The following GALNT17 variants were observed in gnomAD, a reference collection of about 807,000 sequenced individuals.
GALNT17 encodes polypeptide N-acetylgalactosaminyltransferase 17.
Under a neutral mutation model 63.7 loss-of-function variants are expected in GALNT17, and 29 were observed. That is an observed-to-expected ratio of 0.46 (90% CI 0.34 to 0.62). GALNT17 has a LOEUF of 0.62. GALNT17 is among the 20% of genes least tolerant of loss of function. The probability of loss-of-function intolerance (pLI) is 0.01; values close to 1 mark genes in which losing one functional copy is unlikely to be tolerated. For synonymous variants in GALNT17, 305 were observed against 318.3 expected, an observed-to-expected ratio of 0.96 and a Z score of 0.45; for missense variants, 603 against 799.6, an observed-to-expected ratio of 0.75 and a Z score of 2.97.
intron 1 of GALNT17, among the ~76,000 whole-genome samples, chr7:71,180,621 G>GT (rs2116312143): frequency 6.6e-6 from 1 of 152,258 alleles, no homozygotes; most frequent in Non-Finnish European, 1.5e-5. Flanking sequence ...TGAGGTGGAC[G>GT]TATTAAATGG....
intron 1 of GALNT17, among the ~76,000 whole-genome samples, chr7:71,185,697 C>T (rs567253735): frequency 6.6e-6 from 1 of 151,958 alleles, no homozygotes; most frequent in Admixed American, 6.6e-5. Context: ...TTAGTGGAGA[C>T]GGGGTTTCAC....
intron 3 of GALNT17, among the ~76,000 whole-genome samples, chr7:71,397,809 G>A (rs1210062530): frequency 6.6e-6 from 1 of 152,200 alleles, no homozygotes; most frequent in East Asian, 1.9e-4. Context: ...AGACTGCAAG[G>A]AAGAGAAAAT....
At chr7:71,377,656 C>T (rs1306973944) in intron 2 of GALNT17, among the ~76,000 whole-genome samples, 1 of 152,162 alleles carries the variant, frequency 6.6e-6, no homozygotes, top group African/African-American at 2.4e-5. Flanking sequence ...TGTTCCCACC[C>T]AAATCTCATC....
At chr7:71,538,276 C>G (rs1788832081) in intron 5 of GALNT17, among the ~76,000 whole-genome samples, 1 of 152,130 alleles carries the variant, frequency 6.6e-6, no homozygotes, top group Admixed American at 6.6e-5. Context: ...ACTTGAAACC[C>G]TGGAAGGCAG....
intron 1 of GALNT17, among the ~76,000 whole-genome samples, chr7:71,267,460 CA>C (rs1378975130): frequency 6.6e-6 from 1 of 150,920 alleles, no homozygotes; most frequent in Non-Finnish European, 1.5e-5. Context: ...AATAATTCAT[CA>C]AGGAGGAATA....
At chr7:71,545,498 C>T (rs1220219004) in intron 5 of GALNT17, among the ~76,000 whole-genome samples, 1 of 152,026 alleles carries the variant, frequency 6.6e-6, no homozygotes, top group East Asian at 1.9e-4. Flanking sequence ...ATTACAGGCA[C>T]GTGCCACCAC....
intron 6 of GALNT17, among the ~76,000 whole-genome samples, chr7:71,664,147 G>T (rs375953708): frequency 1.5e-4 from 23 of 151,918 alleles, no homozygotes; most frequent in Middle Eastern, 3.4e-3. Context: ...GGGATGAGAA[G>T]TCCCACATCC....
At chr7:71,200,813 A>AT (rs1320015106) in intron 1 of GALNT17, among the ~76,000 whole-genome samples, 1 of 151,910 alleles carries the variant, frequency 6.6e-6, no homozygotes, top group Admixed American at 6.6e-5. Context: ...GGTCGTTTCT[A>AT]TTTTTTTAAA....
intron 9 of GALNT17, among the ~76,000 whole-genome samples, chr7:71,700,543 C>T (rs1157924256): frequency 6.6e-6 from 1 of 152,124 alleles, no homozygotes; most frequent in African/African-American, 2.4e-5. Context: ...TGGAGTCTCA[C>T]CTGCACTAGA....
chr7:71,142,526 C>T (rs770962293), intron 1 of GALNT17, among the ~76,000 whole-genome samples: 11 of 152,172 alleles, frequency 7.2e-5, no homozygotes, highest in South Asian at 4.1e-4. Context: ...ACTTCCTTGC[C>T]GCGAGGCGTA....
At chr7:71,645,090 C>T (rs1012492238) in intron 6 of GALNT17, among the ~76,000 whole-genome samples, 1 of 152,190 alleles carries the variant, frequency 6.6e-6, no homozygotes, top group Non-Finnish European at 1.5e-5. Context: ...CTACTGAGAA[C>T]AAATCTTACA....
intron 5 of GALNT17, among the ~76,000 whole-genome samples, chr7:71,464,910 T>C (rs1398209385): frequency 1.3e-5 from 2 of 152,132 alleles, no homozygotes; most frequent in African/African-American, 4.8e-5. Context: ...AGCCAATAAG[T>C]AAAGAGACAA....
chr7:71,170,739 A>T (rs931984576), intron 1 of GALNT17, among the ~76,000 whole-genome samples: 1 of 152,124 alleles, frequency 6.6e-6, no homozygotes, highest in African/African-American at 2.4e-5. Flanking sequence ...TGGCAAAGGG[A>T]TGGCTGATTG....
At chr7:71,462,777 A>C (rs1230144112) in intron 5 of GALNT17, among the ~76,000 whole-genome samples, 3 of 152,212 alleles carry the variant, frequency 2.0e-5, no homozygotes, top group African/African-American at 7.2e-5. Flanking sequence ...TCAGATATGC[A>C]TCTATCTCAG....
At chr7:71,530,252 G>A (rs1294474673) in intron 5 of GALNT17, among the ~76,000 whole-genome samples, 1 of 152,082 alleles carries the variant, frequency 6.6e-6, no homozygotes, top group African/African-American at 2.4e-5. Flanking sequence ...TTTGAGTTGG[G>A]TTTATGTCTA....
chr7:71,372,545 G>A (rs577899440), intron 2 of GALNT17, among the ~76,000 whole-genome samples: 5 of 152,122 alleles, frequency 3.3e-5, no homozygotes, highest in South Asian at 2.1e-4. Flanking sequence ...TCTTCCTCCC[G>A]GGCTCAAGTG....
At chr7:71,519,372 C>G (rs1423974764) in intron 5 of GALNT17, among the ~76,000 whole-genome samples, 2 of 152,176 alleles carry the variant, frequency 1.3e-5, no homozygotes, top group Non-Finnish European at 2.9e-5. Flanking sequence ...TCACCTACAC[C>G]ACAAGTATCA....
intron 3 of GALNT17, among the ~76,000 whole-genome samples, chr7:71,405,628 A>G (rs1793315239): frequency 6.6e-6 from 1 of 152,200 alleles, no homozygotes; most frequent in South Asian, 2.1e-4. Flanking sequence ...ATTGCTCACA[A>G]TTCAGGGGGC....
chr7:71,498,213 T>G (rs144368635), intron 5 of GALNT17, among the ~76,000 whole-genome samples: 1,920 of 152,222 alleles, frequency 0.013, 13 homozygotes, highest in Non-Finnish European at 0.018. Context: ...CAGTGTCTCA[T>G]ACCTGTAATC....
Sources: gnomAD v4.1 joint callset for allele counts (sites outside exome capture counted in the v4.1 genomes callset) on GRCh38, gnomAD v4.1.1 for gene constraint, MANE v1.5 for transcripts, NCBI Gene and HGNC (gene_info 2026-07-23, HGNC 2026-07-21) for gene names.